Variants in COL21A1 observed in about 807,000 individuals in gnomAD.
COL21A1 encodes collagen type XXI alpha 1 chain.
A neutral mutation model predicts 137.9 loss-of-function variants in COL21A1; 149 were observed. The observed-to-expected ratio is 1.08, with a 90% CI of 0.95 to 1.24. The LOEUF is 1.24. Among genes scored for constraint, COL21A1 ranks in the 50% most tolerant of loss-of-function variants. COL21A1 has a pLI of 0.00. For missense variants in COL21A1, 1,167 were observed against 1,158.4 expected, an observed-to-expected ratio of 1.01 and a Z score of -0.11; for synonymous variants, 456 against 391.5, an observed-to-expected ratio of 1.16 and a Z score of -1.95.
intron 1 of COL21A1, among the ~76,000 whole-genome samples, chr6:56,381,647 G>A (rs1408022368): frequency 6.6e-6 from 1 of 152,198 alleles, no homozygotes; most frequent in South Asian, 2.1e-4. Context: ...CCGAACATAA[G>A]CTACAAAAGT....
intron 1 of COL21A1, among the ~76,000 whole-genome samples, chr6:56,347,517 T>TTA (rs1554184704): frequency 1.7e-3 from 216 of 127,156 alleles, no homozygotes; most frequent in South Asian, 9.1e-3. Context: ...AGGAAGCATT[T>TTA]AAAAAAAAAA....
In COL21A1 at chr6:56,170,881, C is replaced by T. The variant is rs1776985253; in HGVS notation, c.810-16G>A. On this transcript the variant is annotated splice_polypyrimidine_tract_variant and intron_variant, in intron 4 of 29. Coordinates refer to ENST00000244728, the MANE Select transcript of COL21A1 (RefSeq NM_030820.4). The stretch of plus-strand genomic sequence containing the variant: ...GAAAACATTGCTAGAAAAAGAAGAG[C>T]AAGTGTAAGCTTAAAGAATTCTTGA... The T allele has an allele frequency of 6.2e-7, 1 of 1,603,658 alleles. No homozygotes were observed. Among genetic ancestry groups the T allele is most frequent in the South Asian group, 1.1e-5 (1 of 89,876 alleles).
At chr6:56,202,938 C>T (rs1779510034) in intron 1 of COL21A1, among the ~76,000 whole-genome samples, 1 of 152,160 alleles carries the variant, frequency 6.6e-6, no homozygotes, top group Admixed American at 6.5e-5. Context: ...GCACTGAAAA[C>T]AGGCCACAGG....
At chr6:56,121,294 A>T (rs1364570838) in intron 16 of COL21A1, among the ~76,000 whole-genome samples, 1 of 152,012 alleles carries the variant, frequency 6.6e-6, no homozygotes, top group Non-Finnish European at 1.5e-5. Flanking sequence ...TGAAAAGGCT[A>T]CATAATGTAT....
chr6:56,317,626 C>G (rs1183413298), intron 1 of COL21A1, among the ~76,000 whole-genome samples: 1 of 152,106 alleles, frequency 6.6e-6, no homozygotes, highest in Non-Finnish European at 1.5e-5. Flanking sequence ...CATGGTCATA[C>G]CAATGGCATT....
chr6:56,114,918 C>T (rs1434154219), intron 16 of COL21A1, among the ~76,000 whole-genome samples: 1 of 148,334 alleles, frequency 6.7e-6, no homozygotes, highest in Non-Finnish European at 1.5e-5. Flanking sequence ...GACTTGGAAC[C>T]AACCCAAATG....
At chr6:56,251,586 T>G (rs1175045842), upstream of COL21A1, among the ~76,000 whole-genome samples, 4 of 152,194 alleles carry the variant, frequency 2.6e-5, no homozygotes. Context: ...AGTGTGTATG[T>G]GAAAAAATGG....
At chr6:56,253,756 C>T (rs2152329562) in intron 1 of COL21A1, among the ~76,000 whole-genome samples, 1 of 152,282 alleles carries the variant, frequency 6.6e-6, no homozygotes, top group East Asian at 1.9e-4. Context: ...CCTTTTGTAT[C>T]TTAAATTCTG....
intron 1 of COL21A1, among the ~76,000 whole-genome samples, chr6:56,310,051 T>C (rs1423312575): frequency 1.3e-5 from 2 of 152,262 alleles, no homozygotes; most frequent in East Asian, 1.9e-4. Context: ...AAGTCCAAGA[T>C]TGATAACTGA....
chr6:56,086,233 G>A (rs1768231055), intron 17 of COL21A1, among the ~76,000 whole-genome samples: 1 of 151,906 alleles, frequency 6.6e-6, no homozygotes, highest in South Asian at 2.1e-4. Flanking sequence ...TATCTTTAAT[G>A]GATTTTAGGA....
intron 17 of COL21A1, 21 bp from the exon 18 acceptor site, chr6:56,077,594 T>C: frequency 6.8e-7 from 1 of 1,467,292 alleles, no homozygotes; most frequent in African/African-American, 1.4e-5. Flanking sequence ...ATAAAATAGA[T>C]TTTTAACTTA....
At chr6:56,094,665 T>C (rs1332830890) in intron 17 of COL21A1, among the ~76,000 whole-genome samples, 1 of 152,194 alleles carries the variant, frequency 6.6e-6, no homozygotes, top group Non-Finnish European at 1.5e-5. Context: ...AGCTGAGATA[T>C]ATGAATGTAT....
At chr6:56,148,346 G>GAGAGAC (rs1454060586) in intron 10 of COL21A1, among the ~76,000 whole-genome samples, 2 of 145,714 alleles carry the variant, frequency 1.4e-5, no homozygotes, top group Non-Finnish European at 3.0e-5. Context: ...GACAGAGAGA[G>GAGAGAC]AGAGAGAGAG....
At chr6:56,367,360 T>C (rs1766126194) in intron 1 of COL21A1, among the ~76,000 whole-genome samples, 1 of 152,202 alleles carries the variant, frequency 6.6e-6, no homozygotes, top group Non-Finnish European at 1.5e-5. Flanking sequence ...TTATTTCCTT[T>C]GCCAGTGATT....
chr6:56,332,475 C>CTTT (rs10641923), intron 1 of COL21A1, among the ~76,000 whole-genome samples: 10,353 of 142,840 alleles, frequency 0.072, 421 homozygotes, highest in African/African-American at 0.11. Flanking sequence ...TTGGGTAAAA[C>CTTT]ATTTTTTTTT....
intron 2 of COL21A1, 27 bp downstream of exon 2, chr6:56,182,504 A>G (rs1406031041): frequency 6.8e-7 from 1 of 1,468,322 alleles, no homozygotes; most frequent in Admixed American, 1.9e-5. Context: ...GTTGATAACA[A>G]AAAAGGACAA....
chr6:56,088,400 G>A (rs144942166), intron 17 of COL21A1, among the ~76,000 whole-genome samples: 329 of 152,248 alleles, frequency 2.2e-3, no homozygotes, highest in African/African-American at 7.4e-3. Flanking sequence ...AATCATATTT[G>A]TGTCTATTAG....
At chr6:56,383,163 C>T (rs1310328450) in intron 1 of COL21A1, among the ~76,000 whole-genome samples, 1 of 152,156 alleles carries the variant, frequency 6.6e-6, no homozygotes, top group African/African-American at 2.4e-5. Flanking sequence ...GATTAGGGTG[C>T]CAGCATGGTT....
intron 16 of COL21A1, among the ~76,000 whole-genome samples, chr6:56,119,284 A>T (rs980853906): frequency 6.6e-6 from 1 of 152,194 alleles, no homozygotes; most frequent in African/African-American, 2.4e-5. Flanking sequence ...GCCAATGGTG[A>T]ACAATCTGAA....
Sources: gnomAD v4.1 joint callset for allele counts (sites outside exome capture counted in the v4.1 genomes callset) on GRCh38, gnomAD v4.1.1 for gene constraint, MANE v1.5 for transcripts, NCBI Gene and HGNC (gene_info 2026-07-23, HGNC 2026-07-21) for gene names.